Variants in GALNTL6 observed in about 807,000 individuals in gnomAD.
GALNTL6 encodes the protein polypeptide N-acetylgalactosaminyltransferase like 6.
A neutral mutation model predicts 73.7 loss-of-function variants in GALNTL6; 46 were observed. That is an observed-to-expected ratio of 0.62 (90% CI 0.49 to 0.80). The LOEUF (loss-of-function observed/expected upper bound fraction) is 0.80. Among genes scored for constraint, GALNTL6 ranks in the 30% least tolerant of loss-of-function variants. The pLI is 0.00. For synonymous variants in GALNTL6, 259 were observed against 263.7 expected (o/e 0.98, Z 0.17); for missense variants, 604 against 755.0 (o/e 0.80, Z 2.34).
At chr4:172,230,742 G>A (rs569395280) in intron 3 of GALNTL6, among the ~76,000 whole-genome samples, 67 of 152,262 alleles carry the variant, frequency 4.4e-4, no homozygotes, top group African/African-American at 1.5e-3. Context: ...AGCCAAATAA[G>A]TTATTTTCAC....
chr4:172,445,765 G>A (rs1731996060), intron 5 of GALNTL6, among the ~76,000 whole-genome samples: 1 of 152,152 alleles, frequency 6.6e-6, no homozygotes, highest in South Asian at 2.1e-4. Context: ...TTATTTGAAT[G>A]TATGAGTGTG....
At chr4:172,461,487 C>A (rs933847961) in intron 5 of GALNTL6, among the ~76,000 whole-genome samples, 1 of 152,170 alleles carries the variant, frequency 6.6e-6, no homozygotes, top group Admixed American at 6.6e-5. Context: ...TTACTCTTAT[C>A]TTTTAGGCAT....
At chr4:171,966,447 A>G (rs758332841) in intron 2 of GALNTL6, among the ~76,000 whole-genome samples, 24 of 152,164 alleles carry the variant, frequency 1.6e-4, no homozygotes, top group Admixed American at 4.6e-4. Flanking sequence ...GGAGAGCGCT[A>G]AAGGTGGGCT....
At chr4:172,182,553 CAAA>C (rs34354883) in intron 2 of GALNTL6, among the ~76,000 whole-genome samples, 18 of 127,432 alleles carry the variant, frequency 1.4e-4, no homozygotes, top group South Asian at 2.5e-4. Context: ...TGAAAAATAC[CAAA>C]AAAAAAAAAA....
intron 4 of GALNTL6, among the ~76,000 whole-genome samples, chr4:172,320,865 G>A (rs1740733360): frequency 6.6e-6 from 1 of 152,208 alleles, no homozygotes; most frequent in Admixed American, 6.5e-5. Flanking sequence ...CCCCTGAGGA[G>A]CAACGCTGGA....
chr4:172,829,166 C>T (rs945113797), intron 7 of GALNTL6, among the ~76,000 whole-genome samples: 2 of 152,194 alleles, frequency 1.3e-5, no homozygotes, highest in African/African-American at 2.4e-5. Flanking sequence ...GCAAGATATT[C>T]GCCATCCACC....
chr4:172,812,858 T>C (rs1021019525), intron 6 of GALNTL6, among the ~76,000 whole-genome samples: 3 of 152,214 alleles, frequency 2.0e-5, no homozygotes, highest in African/African-American at 7.2e-5. Flanking sequence ...AATCACTTTA[T>C]AGTTGTTCAA....
In GALNTL6 at chr4:172,085,395, T is replaced by C. The variant is rs191167065; in HGVS notation, c.139-144261T>C. Among the ~76,000 whole-genome samples the C allele has an allele frequency of 1.2e-4, 18 of 152,192 alleles. 1 individual carries two copies. The East Asian group carries it at 3.5e-3, about 29-fold the overall frequency. On this transcript the variant is annotated intron_variant, in intron 2 of 12. Transcript: ENST00000506823. ...TACGTTTCCATTATGTGATTAAAAATATGAAATACATTACAGGCATGGTGG... is the reference window on the plus strand; with the variant it reads ...TACGTTTCCATTATGTGATTAAAAACATGAAATACATTACAGGCATGGTGG...
intron 5 of GALNTL6, among the ~76,000 whole-genome samples, chr4:172,450,784 T>G (rs1481792958): frequency 6.6e-6 from 1 of 152,224 alleles, no homozygotes; most frequent in Non-Finnish European, 1.5e-5. Context: ...GGAACATTCT[T>G]TGGCTGCTTC....
chr4:172,308,361 A>G (rs957009842), intron 3 of GALNTL6, among the ~76,000 whole-genome samples: 4 of 151,914 alleles, frequency 2.6e-5, no homozygotes, highest in African/African-American at 9.7e-5. Flanking sequence ...TTCCAGGACT[A>G]TGTTGAAAAG....
At chr4:172,267,936 T>C (rs1286875414) in intron 3 of GALNTL6, among the ~76,000 whole-genome samples, 1 of 152,166 alleles carries the variant, frequency 6.6e-6, no homozygotes, top group Non-Finnish European at 1.5e-5. Context: ...ATGTTACTTT[T>C]CTGTTTCTGT....
chr4:172,056,695 TTTAA>T (rs1451743758), intron 2 of GALNTL6, among the ~76,000 whole-genome samples: 15 of 151,892 alleles, frequency 9.9e-5, no homozygotes, highest in Admixed American at 4.6e-4. Flanking sequence ...AATATAGTTA[TTTAA>T]TTATAAATAA....
chr4:172,332,624 A>G (rs1430570438), intron 4 of GALNTL6, among the ~76,000 whole-genome samples: 1 of 152,028 alleles, frequency 6.6e-6, no homozygotes, highest in Non-Finnish European at 1.5e-5. Flanking sequence ...GTTGGTGCAA[A>G]TGACATGATT....
chr4:171,952,611 C>T (rs932192464), intron 2 of GALNTL6, among the ~76,000 whole-genome samples: 2 of 151,948 alleles, frequency 1.3e-5, no homozygotes, highest in African/African-American at 4.8e-5. Context: ...ATTACATGAT[C>T]ATTTCAATGG....
At chr4:172,047,380 T>C (rs1158686891) in intron 2 of GALNTL6, among the ~76,000 whole-genome samples, 1 of 152,098 alleles carries the variant, frequency 6.6e-6, no homozygotes, top group Non-Finnish European at 1.5e-5. Flanking sequence ...CCGTAAACAT[T>C]TATTATATCA....
chr4:172,379,218 G>T (rs187780694), intron 5 of GALNTL6, among the ~76,000 whole-genome samples: 89 of 152,262 alleles, frequency 5.8e-4, no homozygotes, highest in Middle Eastern at 3.4e-3. Context: ...AGTTAGACTT[G>T]GCTAGGGAAC....
At chr4:172,982,512 A>G (rs1373349204) in intron 10 of GALNTL6, among the ~76,000 whole-genome samples, 1 of 152,262 alleles carries the variant, frequency 6.6e-6, no homozygotes, top group Non-Finnish European at 1.5e-5. Flanking sequence ...TACATAAGAC[A>G]ATGGTCCTCA....
At chr4:172,361,821 A>G (rs1350901997) in intron 5 of GALNTL6, among the ~76,000 whole-genome samples, 1 of 152,132 alleles carries the variant, frequency 6.6e-6, no homozygotes, top group Non-Finnish European at 1.5e-5. Context: ...GTTATTGGGC[A>G]TCACCCTAGC....
intron 2 of GALNTL6, among the ~76,000 whole-genome samples, chr4:171,863,015 AT>A (rs2110881751): frequency 6.6e-6 from 1 of 152,322 alleles, no homozygotes; most frequent in African/African-American, 2.4e-5. Flanking sequence ...AGAAACAGAA[AT>A]TTTACCTTAC....
Sources: allele counts gnomAD v4.1 joint callset (sites outside exome capture counted in the v4.1 genomes callset), GRCh38; gene constraint gnomAD v4.1.1; transcripts MANE v1.5; gene names NCBI Gene and HGNC (gene_info 2026-07-23, HGNC 2026-07-21).